NRXN1: variants seen among roughly 807,000 people sequenced by gnomAD.
NRXN1 encodes neurexin 1.
In NRXN1, 39 loss-of-function variants were observed where a neutral mutation model predicts 150.9. That is an observed-to-expected ratio of 0.26 (90% CI 0.20 to 0.34). The LOEUF (loss-of-function observed/expected upper bound fraction) is 0.34. Ranked by LOEUF, NRXN1 falls within the 10% of genes least tolerant of loss-of-function variation. NRXN1 has a pLI of 1.00. For synonymous variants in NRXN1, 924 were observed against 757.0 expected, an observed-to-expected ratio of 1.22 and a Z score of -3.62; for missense variants, 1,815 against 1,949.9, an observed-to-expected ratio of 0.93 and a Z score of 1.30.
chr2:50,316,298 C>T (rs1202926630), intron 17 of NRXN1, among the ~76,000 whole-genome samples: 5 of 152,002 alleles, frequency 3.3e-5, no homozygotes, highest in African/African-American at 1.2e-4. Context: ...TATCACCTCT[C>T]CCTCCACTGA....
chr2:51,006,676 AG>A (rs1700770033), intron 2 of NRXN1, among the ~76,000 whole-genome samples: 1 of 151,972 alleles, frequency 6.6e-6, no homozygotes, highest in Non-Finnish European at 1.5e-5. Context: ...TATAGTTACA[AG>A]GTTTACAAAG....
intron 2 of NRXN1, chr2:51,026,226 T>A: frequency 4.7e-6 from 3 of 641,224 alleles, no homozygotes; most frequent in Non-Finnish European, 8.4e-6. Flanking sequence ...TCAGATTTAA[T>A]AATTCACCTT....
intron 18 of NRXN1, among the ~76,000 whole-genome samples, chr2:50,165,267 AG>A (rs1003438582): frequency 6.6e-6 from 1 of 152,236 alleles, no homozygotes; most frequent in African/African-American, 2.4e-5. Flanking sequence ...AGCTGCTTAT[AG>A]AAAGTACGGT....
chr2:50,868,696 A>G (rs528306401), intron 5 of NRXN1, among the ~76,000 whole-genome samples: 2 of 151,998 alleles, frequency 1.3e-5, no homozygotes, highest in South Asian at 4.1e-4. Context: ...TTTAAACTTG[A>G]TATTAAAAAT....
chr2:50,296,521 T>TTAG (rs1344773032), intron 17 of NRXN1, among the ~76,000 whole-genome samples: 30 of 148,300 alleles, frequency 2.0e-4, no homozygotes, highest in Middle Eastern at 3.6e-3. Flanking sequence ...TTAGCTTCTA[T>TTAG]TATTATTATT....
At chr2:50,076,470 C>G (rs979482157) in intron 19 of NRXN1, among the ~76,000 whole-genome samples, 2 of 152,186 alleles carry the variant, frequency 1.3e-5, no homozygotes, top group Non-Finnish European at 2.9e-5. Flanking sequence ...AAACATCAAA[C>G]AACCTTATGA....
At chr2:50,304,292 G>A (rs1267293991) in intron 17 of NRXN1, among the ~76,000 whole-genome samples, 3 of 152,032 alleles carry the variant, frequency 2.0e-5, no homozygotes, top group African/African-American at 7.2e-5. Context: ...TAGGAATTGA[G>A]GACAATGCGG....
chr2:50,238,972 G>C (rs946882230), intron 17 of NRXN1, among the ~76,000 whole-genome samples: 1 of 151,878 alleles, frequency 6.6e-6, no homozygotes, highest in South Asian at 2.1e-4. Flanking sequence ...TTTCAAGAGA[G>C]AAAAGGCAAG....
chr2:50,154,644 A>G (rs980267841), intron 18 of NRXN1, among the ~76,000 whole-genome samples: 35 of 151,706 alleles, frequency 2.3e-4, no homozygotes, highest in African/African-American at 8.0e-4. Context: ...AGTTAAAAAC[A>G]TACAAGTCAG....
chr2:50,109,560 C>T (rs1212641765), intron 18 of NRXN1, among the ~76,000 whole-genome samples: 3 of 150,514 alleles, frequency 2.0e-5, no homozygotes, highest in Non-Finnish European at 4.4e-5. Context: ...GTTTATTGTA[C>T]TATTAGACAC....
chr2:50,527,367 T>G (rs999854412), intron 12 of NRXN1, among the ~76,000 whole-genome samples: 4 of 152,032 alleles, frequency 2.6e-5, no homozygotes, highest in Non-Finnish European at 5.9e-5. Flanking sequence ...GGAGATAGAG[T>G]TGGAGAGGAG....
At chr2:50,891,404 T>A (rs1681045056) in intron 5 of NRXN1, among the ~76,000 whole-genome samples, 1 of 152,056 alleles carries the variant, frequency 6.6e-6, no homozygotes, top group Non-Finnish European at 1.5e-5. Flanking sequence ...CCTTCTTTCC[T>A]TTTTCACTTT....
intron 5 of NRXN1, among the ~76,000 whole-genome samples, chr2:50,772,906 G>A (rs1466181444): frequency 6.6e-6 from 1 of 152,042 alleles, no homozygotes; most frequent in Non-Finnish European, 1.5e-5. Flanking sequence ...TAAACTCAAT[G>A]CCCTACAAAG....
chr2:50,897,672 A>T (rs1287145726), intron 5 of NRXN1, among the ~76,000 whole-genome samples: 1 of 152,216 alleles, frequency 6.6e-6, no homozygotes, highest in Non-Finnish European at 1.5e-5. Context: ...AAGAGCACAT[A>T]CTTGGTGATT....
intron 17 of NRXN1, among the ~76,000 whole-genome samples, chr2:50,339,342 T>TA (rs11395186): frequency 0.063 from 9,524 of 152,210 alleles, 780 homozygotes; most frequent in African/African-American, 0.19. Flanking sequence ...AACCTTGGTT[T>TA]AAAAAATGTA....
chr2:50,526,976 T>C (rs1038970736), intron 12 of NRXN1, among the ~76,000 whole-genome samples: 1 of 152,176 alleles, frequency 6.6e-6, no homozygotes. Context: ...GTAATTATAC[T>C]ATAAACATAC....
intron 18 of NRXN1, among the ~76,000 whole-genome samples, chr2:50,219,130 C>G (rs1195381903): frequency 2.6e-5 from 4 of 152,104 alleles, no homozygotes; most frequent in Non-Finnish European, 4.4e-5. Flanking sequence ...TATATTCAAA[C>G]AGGCTTTGAT....
intron 18 of NRXN1, among the ~76,000 whole-genome samples, chr2:50,161,502 C>T (rs1260974641): frequency 6.6e-6 from 1 of 152,134 alleles, no homozygotes; most frequent in Non-Finnish European, 1.5e-5. Context: ...TAAGGGGCAT[C>T]CTTACTCCTG....
intron 2 of NRXN1, among the ~76,000 whole-genome samples, chr2:51,000,762 C>A (rs1421058938): frequency 6.6e-6 from 1 of 150,948 alleles, no homozygotes; most frequent in East Asian, 2.0e-4. Flanking sequence ...ACCTTAATTC[C>A]GTAAATTAAT....
Sources: gnomAD v4.1 joint callset for allele counts (sites outside exome capture counted in the v4.1 genomes callset) on GRCh38, gnomAD v4.1.1 for gene constraint, MANE v1.5 for transcripts, NCBI Gene and HGNC (gene_info 2026-07-23, HGNC 2026-07-21) for gene names.